Variants in DMD observed in about 807,000 individuals in gnomAD.
DMD encodes the protein mutant dystrophin.
A neutral mutation model predicts 330.1 loss-of-function variants in DMD; 63 were observed. The ratio of observed to expected loss-of-function variants is 0.19; its 90% CI spans 0.16 to 0.24. The LOEUF is 0.24. Among genes scored for constraint, DMD ranks in the 10% least tolerant of loss-of-function variants. The probability of loss-of-function intolerance (pLI) is 1.00; values close to 1 mark genes in which losing one functional copy is unlikely to be tolerated. For synonymous variants in DMD, 1,223 were observed against 959.8 expected (o/e 1.27, Z -5.07); for missense variants, 3,344 against 2,684.1 (o/e 1.25, Z -5.43).
At chrX:32,519,364 A>C (rs1396624803) in intron 17 of DMD, among the ~76,000 whole-genome samples, 1 of 110,197 alleles carries the variant, frequency 9.1e-6, no homozygotes, top group Non-Finnish European at 1.9e-5. Context: ...ATATTGGCAA[A>C]AGGATACAAA....
chrX:32,750,154 C>T (rs1488899964), intron 7 of DMD, among the ~76,000 whole-genome samples: 2 of 111,861 alleles, frequency 1.8e-5, no homozygotes, highest in South Asian at 3.7e-4. Context: ...TTTTCCCTAA[C>T]GGAAAATCAT....
At chrX:31,330,627 C>T (rs144813390) in intron 61 of DMD, among the ~76,000 whole-genome samples, 2,881 of 112,170 alleles carry the variant, frequency 0.026, 37 homozygotes, top group Non-Finnish European at 0.042. Flanking sequence ...CAGTTCACTT[C>T]ATTACTGAAT....
At chrX:32,003,714 T>C (rs2095642523) in intron 44 of DMD, among the ~76,000 whole-genome samples, 2 of 111,585 alleles carry the variant, frequency 1.8e-5, no homozygotes, top group Admixed American at 1.9e-4. Context: ...CTTTTTCTCA[T>C]TATTTTCATT....
At chrX:32,546,587 G>A (rs111485893) in intron 16 of DMD, among the ~76,000 whole-genome samples, 1 of 111,416 alleles carries the variant, frequency 9.0e-6, no homozygotes, top group African/African-American at 3.3e-5. Context: ...AGTAAAAATT[G>A]CTTTGACATA....
intron 16 of DMD, among the ~76,000 whole-genome samples, chrX:32,560,194 A>C (rs1183755098): frequency 1.8e-5 from 2 of 109,117 alleles, no homozygotes; most frequent in African/African-American, 6.7e-5. Flanking sequence ...TTGAAAAAAA[A>C]AATATATATA....
chrX:32,132,860 G>A (rs755704707), intron 44 of DMD, among the ~76,000 whole-genome samples: 2 of 110,252 alleles, frequency 1.8e-5, no homozygotes, highest in African/African-American at 3.3e-5. Context: ...TCTCCTTTTG[G>A]TTATATAGCT....
intron 62 of DMD, among the ~76,000 whole-genome samples, chrX:31,264,342 C>T (rs921665007): frequency 2.7e-5 from 3 of 111,902 alleles, no homozygotes; most frequent in Non-Finnish European, 5.6e-5. Flanking sequence ...ATCGGAAATA[C>T]ACTCCCCATA....
chrX:31,483,227 T>C (rs1234240250), intron 57 of DMD, among the ~76,000 whole-genome samples: 2 of 108,035 alleles, frequency 1.9e-5, no homozygotes, highest in Non-Finnish European at 3.8e-5. Context: ...TTTGTATTTT[T>C]AGTAGAGACG....
chrX:32,532,802 GA>G (rs1254933838), intron 17 of DMD, among the ~76,000 whole-genome samples: 1 of 111,629 alleles, frequency 9.0e-6, no homozygotes, highest in East Asian at 2.8e-4. Context: ...GGAATAACAA[GA>G]ATAAAAACTG....
chrX:32,626,700 A>C (rs1569336298), intron 11 of DMD, among the ~76,000 whole-genome samples: 1 of 104,311 alleles, frequency 9.6e-6, no homozygotes, highest in Non-Finnish European at 1.9e-5. Flanking sequence ...GCATTAGGAG[A>C]AATACCTAAT....
chrX:31,423,007 A>G (rs376374218), intron 60 of DMD, among the ~76,000 whole-genome samples: 3 of 111,935 alleles, frequency 2.7e-5, no homozygotes, highest in Non-Finnish European at 3.8e-5. Context: ...GCACGGATAT[A>G]TGTATTTTTG....
chrX:31,472,225 A>G (rs1009257380), intron 59 of DMD, among the ~76,000 whole-genome samples: 6 of 112,120 alleles, frequency 5.4e-5, no homozygotes, highest in Non-Finnish European at 3.8e-5. Flanking sequence ...CAGAGTTGGG[A>G]GAGCTTACAT....
intron 2 of DMD, among the ~76,000 whole-genome samples, chrX:32,887,338 A>C (rs1021565516): frequency 5.1e-4 from 48 of 94,827 alleles, no homozygotes; most frequent in African/African-American, 1.8e-3. Context: ...CAGAGCAAGA[A>C]TCCATCTCAA....
At chrX:32,644,933 T>C in intron 10 of DMD, 31 bp downstream of exon 10, 3 of 1,193,425 alleles carry the variant, frequency 2.5e-6, no homozygotes, top group Non-Finnish European at 3.4e-6. Flanking sequence ...AAGTCATATG[T>C]TTTGTTTTGT....
chrX:32,864,545 C>T (rs1370563868), intron 2 of DMD, among the ~76,000 whole-genome samples: 1 of 111,810 alleles, frequency 8.9e-6, no homozygotes, highest in African/African-American at 3.3e-5. Context: ...TAAAATTGCT[C>T]CTAATTGTAG....
chrX:32,865,316 ATAG>A (rs777732095), intron 2 of DMD, among the ~76,000 whole-genome samples: 72 of 110,662 alleles, frequency 6.5e-4, no homozygotes, highest in Admixed American at 2.0e-3. Context: ...AATCCTATTA[ATAG>A]TGATTTTTTT....
At chrX:32,753,164 G>C (rs1004515659) in intron 7 of DMD, among the ~76,000 whole-genome samples, 5 of 110,916 alleles carry the variant, frequency 4.5e-5, no homozygotes, top group South Asian at 3.9e-4. Context: ...CCTTCAAAAA[G>C]ACTTCATTTC....
At chrX:31,515,298 G>A (rs886525639) in intron 55 of DMD, among the ~76,000 whole-genome samples, 2 of 111,324 alleles carry the variant, frequency 1.8e-5, no homozygotes, top group African/African-American at 6.5e-5. Flanking sequence ...CTATGTAAAT[G>A]GAATTATTGG....
rs150562344 is a variant in DMD, at chrX:32,487,645, C to T, written c.2623-2546G>A. Among the ~76,000 whole-genome samples the T allele has an allele frequency of 9.6e-3, 1,068 of 110,782 alleles. 20 individuals carry two copies. The highest frequency in any genetic ancestry group is 0.033 in the African/African-American group (1,000 of 30,487). ...ATGGTTGCAAGACTAATGTACAATGCCACTTATTCTCATTAAAAAAACATA... is the reference window on the plus strand; with the variant it reads ...ATGGTTGCAAGACTAATGTACAATGTCACTTATTCTCATTAAAAAAACATA... On this transcript the variant is annotated intron_variant, in intron 20 of 78. Transcript: ENST00000357033.
Sources: allele counts gnomAD v4.1 joint callset (sites outside exome capture counted in the v4.1 genomes callset), GRCh38; gene constraint gnomAD v4.1.1; transcripts MANE v1.5; gene names NCBI Gene and HGNC (gene_info 2026-07-23, HGNC 2026-07-21).